The following DOCK3 variants were observed in gnomAD, a reference collection of about 807,000 sequenced individuals.
DOCK3 encodes dedicator of cytokinesis 3.
DOCK3 carries 60 observed loss-of-function variants against 265.6 expected under a neutral mutation model. The ratio of observed to expected loss-of-function variants is 0.23; its 90% CI spans 0.18 to 0.28. The LOEUF is 0.28. Among genes scored for constraint, DOCK3 ranks in the 10% least tolerant of loss-of-function variants. DOCK3 has a pLI of 1.00. For synonymous variants in DOCK3, 881 were observed against 938.0 expected, an observed-to-expected ratio of 0.94 and a Z score of 1.11; for missense variants, 1,981 against 2,594.3, an observed-to-expected ratio of 0.76 and a Z score of 5.14.
chr3:51,298,153 A>G (rs1182014013), intron 27 of DOCK3, among the ~76,000 whole-genome samples: 1 of 152,178 alleles, frequency 6.6e-6, no homozygotes, highest in Non-Finnish European at 1.5e-5. Flanking sequence ...CAGATTTTCT[A>G]TTTCTTCATG....
At chr3:51,102,562 A>G (rs2083128534) in intron 9 of DOCK3, among the ~76,000 whole-genome samples, 1 of 152,250 alleles carries the variant, frequency 6.6e-6, no homozygotes, top group Non-Finnish European at 1.5e-5. Flanking sequence ...ATATATGTAT[A>G]CTTGCTGTCC....
intron 6 of DOCK3, among the ~76,000 whole-genome samples, chr3:51,072,825 C>A (rs1178883216): frequency 1.3e-5 from 2 of 152,020 alleles, no homozygotes; most frequent in Admixed American, 6.6e-5. Flanking sequence ...CTGCCTCAGC[C>A]TCCTGAGTAG....
intron 12 of DOCK3, among the ~76,000 whole-genome samples, chr3:51,199,037 GA>G (rs895166732): frequency 3.3e-5 from 5 of 150,372 alleles, no homozygotes; most frequent in African/African-American, 1.2e-4. Flanking sequence ...CTCAATAAAA[GA>G]AAAAAAAAGA....
chr3:51,305,703 A>AGTGTGTGT (rs528554544), intron 27 of DOCK3, among the ~76,000 whole-genome samples: 1 of 94,908 alleles, frequency 1.1e-5, no homozygotes, highest in Non-Finnish European at 2.2e-5. Flanking sequence ...TAATTCCCTC[A>AGTGTGTGT]GTGTGTGTGT....
intron 5 of DOCK3, among the ~76,000 whole-genome samples, chr3:51,029,477 G>A (rs2079956211): frequency 6.6e-6 from 1 of 152,202 alleles, no homozygotes; most frequent in African/African-American, 2.4e-5. Context: ...AGGCCCCAGT[G>A]GGAAAGGCAT....
At chr3:50,745,499 G>T (rs914980647) in intron 1 of DOCK3, among the ~76,000 whole-genome samples, 2 of 152,172 alleles carry the variant, frequency 1.3e-5, no homozygotes, top group African/African-American at 4.8e-5. Context: ...TACTTCCATG[G>T]TTAAGCTCAT....
intron 5 of DOCK3, among the ~76,000 whole-genome samples, chr3:50,945,794 T>C (rs1278086846): frequency 2.6e-5 from 4 of 152,164 alleles, no homozygotes; most frequent in Admixed American, 1.3e-4. Context: ...AGTGGCTAAG[T>C]GCACAGGCTT....
At chr3:51,086,161 G>A (rs1219468953) in intron 7 of DOCK3, among the ~76,000 whole-genome samples, 2 of 152,180 alleles carry the variant, frequency 1.3e-5, no homozygotes, top group African/African-American at 4.8e-5. Flanking sequence ...TATTCCTTAT[G>A]GGAAACAAAG....
chr3:51,249,049 T>C (rs2079004679), intron 22 of DOCK3, among the ~76,000 whole-genome samples: 1 of 141,228 alleles, frequency 7.1e-6, no homozygotes, highest in South Asian at 2.3e-4. Context: ...CCACCCCGTC[T>C]GGGAAGTGAG....
intron 2 of DOCK3, chr3:50,786,960 CTT>C (rs2042215089): frequency 2.7e-6 from 2 of 742,312 alleles, no homozygotes; most frequent in Admixed American, 3.5e-5. Flanking sequence ...AATGGCATGT[CTT>C]TCATGTGTGC....
chr3:50,777,209 T>A (rs1269446087), intron 1 of DOCK3, among the ~76,000 whole-genome samples: 1 of 152,162 alleles, frequency 6.6e-6, no homozygotes. Flanking sequence ...GTGTTTTTTT[T>A]TCCCAGCTTA....
intron 50 of DOCK3, among the ~76,000 whole-genome samples, chr3:51,375,357 T>C (rs535082658): frequency 7.2e-5 from 11 of 152,354 alleles, no homozygotes; most frequent in Middle Eastern, 3.4e-3. Context: ...AGTGCTAGCA[T>C]GGGCCTGTGC....
At chr3:51,296,365 C>G (rs544332717) in intron 27 of DOCK3, among the ~76,000 whole-genome samples, 28 of 152,228 alleles carry the variant, frequency 1.8e-4, no homozygotes, top group African/African-American at 6.5e-4. Context: ...ATTCACAGTT[C>G]CCATTTTCAA....
intron 1 of DOCK3, among the ~76,000 whole-genome samples, chr3:50,685,967 C>T (rs1843073): frequency 0.95 from 145,217 of 152,204 alleles, 69,693 homozygotes; most frequent in East Asian, 1. Flanking sequence ...CTAAGCTTTT[C>T]GACACCAGGG....
At chr3:51,339,377 G>A (rs2085085302) in intron 37 of DOCK3, among the ~76,000 whole-genome samples, 1 of 152,176 alleles carries the variant, frequency 6.6e-6, no homozygotes, top group Non-Finnish European at 1.5e-5. Context: ...TATGAACAGA[G>A]AGCCTTTTTT....
At chr3:51,152,184 T>C (rs529128824) in intron 10 of DOCK3, among the ~76,000 whole-genome samples, 4 of 152,298 alleles carry the variant, frequency 2.6e-5, no homozygotes, top group Admixed American at 1.3e-4. Context: ...CTTGGAGGCT[T>C]TGTTTATTTT....
chr3:50,816,069 C>T (rs1392345247), intron 2 of DOCK3, among the ~76,000 whole-genome samples: 1 of 151,750 alleles, frequency 6.6e-6, no homozygotes, highest in Non-Finnish European at 1.5e-5. Flanking sequence ...ATTGAAGTTT[C>T]AGTCTGAGTA....
intron 2 of DOCK3, among the ~76,000 whole-genome samples, chr3:50,805,482 C>T (rs1216835424): frequency 6.6e-6 from 1 of 152,122 alleles, no homozygotes; most frequent in Non-Finnish European, 1.5e-5. Flanking sequence ...GGTCGGTGGA[C>T]ATACCTTCCA....
intron 12 of DOCK3, among the ~76,000 whole-genome samples, chr3:51,192,916 T>C (rs895032758): frequency 1.3e-5 from 2 of 152,146 alleles, no homozygotes; most frequent in Non-Finnish European, 2.9e-5. Context: ...TTTTTTTCTC[T>C]TGCCTGATTT....
Sources: allele counts gnomAD v4.1 joint callset (sites outside exome capture counted in the v4.1 genomes callset), GRCh38; gene constraint gnomAD v4.1.1; transcripts MANE v1.5; gene names NCBI Gene and HGNC (gene_info 2026-07-23, HGNC 2026-07-21).